COL11A1: variants seen among roughly 807,000 people sequenced by gnomAD.
The protein encoded by COL11A1 is collagen type XI alpha 1 chain.
Under a neutral mutation model 265.2 loss-of-function variants are expected in COL11A1, and 74 were observed. The ratio of observed to expected loss-of-function variants is 0.28; its 90% CI spans 0.23 to 0.34. COL11A1 has a LOEUF of 0.34. Ranked by LOEUF, COL11A1 falls within the 10% of genes least tolerant of loss-of-function variation. COL11A1 has a pLI of 1.00. For synonymous variants in COL11A1, 816 were observed against 727.6 expected (o/e 1.12, Z -1.96); for missense variants, 2,165 against 2,263.6 (o/e 0.96, Z 0.88).
chr1:102,898,051 C>T lies in COL11A1; in HGVS notation c.4302+74G>A. On this transcript the variant is annotated intron_variant, in intron 57 of 66. Transcript: ENST00000370096. ...CAAACCTATTTATAAACTAAAATGT[C>T]AAAAATTCTAGCTAATAAACAATTT... is the stretch of plus-strand genomic sequence containing the variant. The T allele has an allele frequency of 4.3e-6, 4 of 933,082 alleles. No individual in the cohort carries two copies. In the South Asian group the frequency reaches 6.4e-5, roughly 15 times the overall value. The allele number at this position is 933,082 out of a possible 1,614,324, so 57.8% of individuals were successfully genotyped here.
At chr1:103,049,474 A>G (rs1163273452) in intron 4 of COL11A1, among the ~76,000 whole-genome samples, 1 of 151,858 alleles carries the variant, frequency 6.6e-6, no homozygotes, top group Non-Finnish European at 1.5e-5. Flanking sequence ...CCATCCTTTT[A>G]TTTTGAGCCT....
chr1:103,010,578 C>T (rs1666024747), intron 14 of COL11A1, among the ~76,000 whole-genome samples: 1 of 152,138 alleles, frequency 6.6e-6, no homozygotes, highest in Non-Finnish European at 1.5e-5. Context: ...TATAATGTGC[C>T]TCCCTTGTTT....
intron 15 of COL11A1, among the ~76,000 whole-genome samples, chr1:103,007,364 A>G (rs2101862395): frequency 6.6e-6 from 1 of 152,326 alleles, no homozygotes; most frequent in Non-Finnish European, 1.5e-5. Flanking sequence ...ATAAAAGTGT[A>G]CAGCTAATAA....
intron 4 of COL11A1, among the ~76,000 whole-genome samples, chr1:103,044,401 C>A (rs1413275204): frequency 6.6e-6 from 1 of 152,008 alleles, no homozygotes; most frequent in Non-Finnish European, 1.5e-5. Context: ...ACTTAAGAAA[C>A]CAGCTTTGAG....
intron 3 of COL11A1, among the ~76,000 whole-genome samples, chr1:103,077,208 A>G (rs1030526556): frequency 5.9e-5 from 9 of 152,154 alleles, no homozygotes; most frequent in African/African-American, 1.9e-4. Flanking sequence ...TTTATTGAAC[A>G]TTCTCCATTT....
chr1:103,080,547 GGCTAACGGGTATATGAAAAAAAT>G (rs1490981711), intron 2 of COL11A1, among the ~76,000 whole-genome samples: 3 of 151,724 alleles, frequency 2.0e-5, no homozygotes, highest in Non-Finnish European at 4.4e-5. Flanking sequence ...ACATACAAAT[GGCTAACGGGTATATGAAAAAAAT>G]GCTCAACATC....
At chr1:103,003,359 T>G in intron 20 of COL11A1, 91 bp from the exon 21 acceptor site, 1 of 1,324,020 alleles carries the variant, frequency 7.6e-7, no homozygotes. Flanking sequence ...AAGGTTATTT[T>G]TAGAATAAAA....
At chr1:102,878,852 T>C (rs1002411340) in intron 66 of COL11A1, among the ~76,000 whole-genome samples, 2 of 152,116 alleles carry the variant, frequency 1.3e-5, no homozygotes, top group African/African-American at 2.4e-5. Context: ...AGTTAAGATA[T>C]ACATAGTCAA....
rs1452022509 is a variant in COL11A1, at chr1:102,915,690, T to G, written c.3763-6A>C. On this transcript the variant is annotated splice_region_variant and splice_polypyrimidine_tract_variant and intron_variant, in intron 49 of 66. Coordinates refer to ENST00000370096, the MANE Select transcript of COL11A1 (RefSeq NM_001854.4). ...CCTGCTTCTCCAGGTTCACCCTATA[T>G]AGAGAAGATCAAATTAGTATTAGAA... The G allele has an allele frequency of 6.2e-7, 1 of 1,606,166 alleles. No individual in the cohort carries two copies. Among genetic ancestry groups the G allele is most frequent in the South Asian group, 1.1e-5 (1 of 90,786 alleles).
intron 57 of COL11A1, among the ~76,000 whole-genome samples, chr1:102,896,522 C>G (rs1652449027): frequency 6.6e-6 from 1 of 152,126 alleles, no homozygotes; most frequent in Admixed American, 6.6e-5. Flanking sequence ...TATGAAAAAA[C>G]TACACATTAT....
In COL11A1 at chr1:103,056,211, AGT is replaced by A. The variant is rs1394448450; in HGVS notation, c.651+18405_651+18406del. Among the ~76,000 whole-genome samples the A allele has an allele frequency of 1.2e-4, 18 of 152,256 alleles. No individual in the cohort carries two copies. The East Asian group carries it at 3.5e-3, about 29-fold the overall frequency. ...ACTAGGGGAAAAATGCAGGTTAGAA[AGT>A]GTACGGGAATCTGAGATGAGAAAAA... On this transcript the variant is annotated intron_variant, in intron 4 of 66. Transcript: ENST00000370096.
chr1:103,045,040 A>G (rs1007375042), intron 4 of COL11A1, among the ~76,000 whole-genome samples: 2 of 152,066 alleles, frequency 1.3e-5, no homozygotes, highest in African/African-American at 4.8e-5. Flanking sequence ...TTCCAGGCAG[A>G]AGGACTAATG....
chr1:102,989,498 TAC>T lies in COL11A1; in HGVS notation c.2394+18_2394+19del. The T allele has an allele frequency of 6.4e-7, 1 of 1,571,466 alleles. No individual in the cohort carries two copies. The highest frequency in any genetic ancestry group is 1.1e-5 in the South Asian group (1 of 88,920). On this transcript the variant is annotated intron_variant, in intron 29 of 66. Transcript: ENST00000370096. ...ATATATTAAATTTTGTGTACTGGTGTACATTTTCTCTATACTTACTCTGTCAC... is the reference window on the plus strand; with the variant it reads ...ATATATTAAATTTTGTGTACTGGTGTATTTTCTCTATACTTACTCTGTCAC...
At chr1:102,908,023 C>T (rs1004851754) in intron 54 of COL11A1, among the ~76,000 whole-genome samples, 1 of 152,004 alleles carries the variant, frequency 6.6e-6, no homozygotes, top group Non-Finnish European at 1.5e-5. Flanking sequence ...TCAAAACAGC[C>T]ATGCATAATA....
chr1:102,917,521 A>G (rs1655484919), intron 49 of COL11A1, among the ~76,000 whole-genome samples: 1 of 151,966 alleles, frequency 6.6e-6, no homozygotes, highest in Non-Finnish European at 1.5e-5. Context: ...GCTTCTGCAC[A>G]GCAAAAGAAA....
chr1:102,915,950 C>T (rs1369940167), intron 49 of COL11A1, among the ~76,000 whole-genome samples: 2 of 152,152 alleles, frequency 1.3e-5, no homozygotes, highest in Admixed American at 1.3e-4. Flanking sequence ...CAGATTACCA[C>T]AAAACCATCA....
intron 24 of COL11A1, 196 bp downstream of exon 24, chr1:103,001,729 G>A (rs1415930755): frequency 3.3e-6 from 2 of 610,414 alleles, no homozygotes; most frequent in Non-Finnish European, 5.9e-6. Context: ...GGTAACTGAA[G>A]TTTTATCATT....
At chr1:102,924,605 T>C (rs1172916412) in intron 46 of COL11A1, among the ~76,000 whole-genome samples, 1 of 152,202 alleles carries the variant, frequency 6.6e-6, no homozygotes, top group Non-Finnish European at 1.5e-5. Context: ...AAAATTAAAA[T>C]GTTTGTTGAA....
At chr1:102,909,309 G>A (rs1570696915) in intron 54 of COL11A1, among the ~76,000 whole-genome samples, 1 of 152,108 alleles carries the variant, frequency 6.6e-6, no homozygotes, top group Non-Finnish European at 1.5e-5. Context: ...CTTCCAGCAT[G>A]AGTGGGAGCA....
Sources: gnomAD v4.1 joint callset for allele counts (sites outside exome capture counted in the v4.1 genomes callset) on GRCh38, gnomAD v4.1.1 for gene constraint, MANE v1.5 for transcripts, NCBI Gene and HGNC (gene_info 2026-07-23, HGNC 2026-07-21) for gene names.